PRIM2: variants seen among roughly 807,000 people sequenced by gnomAD.
PRIM2 encodes DNA primase large subunit.
PRIM2 carries 39 observed loss-of-function variants against 67.3 expected under a neutral mutation model. The observed-to-expected ratio is 0.58, with a 90% CI of 0.45 to 0.76. The LOEUF is 0.76. Among genes scored for constraint, PRIM2 ranks in the 30% least tolerant of loss-of-function variants. The pLI, the probability that PRIM2 is intolerant of heterozygous loss-of-function variation, is 0.00. For synonymous variants in PRIM2, 143 were observed against 198.7 expected (o/e 0.72, Z 2.36); for missense variants, 398 against 598.7 (o/e 0.66, Z 3.50).
At chr6:57,263,586 T>G in the PRIM2 span, among the ~76,000 whole-genome samples, 1 of 152,224 alleles carries the variant, frequency 6.6e-6, no homozygotes, top group East Asian at 1.9e-4. Flanking sequence ...AACTTGATTA[T>G]ATCTGCAAAG....
At chr6:57,579,943 A>G (rs1776050930) in intron 10 of PRIM2, among the ~76,000 whole-genome samples, 4 of 152,238 alleles carry the variant, frequency 2.6e-5, no homozygotes, top group African/African-American at 7.2e-5. Context: ...GTCTACTAAT[A>G]TAAGGCAATT....
intron 7 of PRIM2, among the ~76,000 whole-genome samples, chr6:57,409,283 C>A (rs1436871310): frequency 6.6e-6 from 1 of 152,024 alleles, no homozygotes; most frequent in Non-Finnish European, 1.5e-5. Flanking sequence ...TCACGCCATT[C>A]TTCTGCCTCG....
chr6:57,523,958 T>C lies in PRIM2; in HGVS notation c.762-8453T>C, dbSNP rs1774684917. Reference sequence around the variant, plus strand: ...AATTCACAGATCAGATGTGTGCAGATGTATCTGTTTCAGATTTATCCTTTT... The same window carrying C: ...AATTCACAGATCAGATGTGTGCAGACGTATCTGTTTCAGATTTATCCTTTT... On this transcript the variant is annotated intron_variant, in intron 8 of 13. Transcript: ENST00000615550. Among the ~76,000 whole-genome samples the C allele has an allele frequency of 2.0e-5, 3 of 152,110 alleles. No homozygotes were observed. The South Asian group carries it at 6.2e-4, about 32-fold the overall frequency.
At chr6:57,290,423 A>G in the PRIM2 span, among the ~76,000 whole-genome samples, 1 of 152,304 alleles carries the variant, frequency 6.6e-6, no homozygotes, top group Admixed American at 6.5e-5. Flanking sequence ...TTAACACCCC[A>G]CTGTCAATAT....
chr6:57,546,907 T>C (rs1445981837), intron 10 of PRIM2, among the ~76,000 whole-genome samples: 1 of 152,208 alleles, frequency 6.6e-6, no homozygotes, highest in Non-Finnish European at 1.5e-5. Context: ...AATTTGAATA[T>C]TGATATATTT....
chr6:57,628,155 C>T (rs1342165854), intron 12 of PRIM2, among the ~76,000 whole-genome samples: 6 of 150,304 alleles, frequency 4.0e-5, no homozygotes, highest in African/African-American at 1.5e-4. Flanking sequence ...AATAGCAAGC[C>T]ATGGACTCCA....
chr6:57,250,010 T>C, the PRIM2 span, among the ~76,000 whole-genome samples: 1 of 152,326 alleles, frequency 6.6e-6, no homozygotes, highest in South Asian at 2.1e-4. Flanking sequence ...CTTCCTGTGT[T>C]AGTGCAAGTT....
chr6:57,428,026 T>G (rs1439212552), intron 7 of PRIM2, among the ~76,000 whole-genome samples: 1 of 152,092 alleles, frequency 6.6e-6, no homozygotes, highest in African/African-American at 2.4e-5. Flanking sequence ...GTGGCTACAT[T>G]TAGACAGGAG....
At chr6:57,616,735 C>T (rs1776764201) in intron 12 of PRIM2, among the ~76,000 whole-genome samples, 1 of 152,010 alleles carries the variant, frequency 6.6e-6, no homozygotes, top group Non-Finnish European at 1.5e-5. Flanking sequence ...TATTTTACAA[C>T]TACTATTTCT....
chr6:57,348,747 C>CTTT (rs67086940), intron 5 of PRIM2, among the ~76,000 whole-genome samples: 4 of 71,598 alleles, frequency 5.6e-5, no homozygotes, highest in African/African-American at 1.6e-4. Flanking sequence ...CCTTCCTGCC[C>CTTT]TTTTTTTTTT....
intron 7 of PRIM2, among the ~76,000 whole-genome samples, chr6:57,484,762 T>A (rs1450932924): frequency 6.6e-6 from 1 of 152,194 alleles, no homozygotes; most frequent in African/African-American, 2.4e-5. Context: ...TTTATTCAGG[T>A]CTGTTTCCTC....
At chr6:57,411,505 G>A (rs528591297) in intron 7 of PRIM2, among the ~76,000 whole-genome samples, 4 of 151,166 alleles carry the variant, frequency 2.6e-5, no homozygotes, top group African/African-American at 7.3e-5. Flanking sequence ...GCCTGGAGAC[G>A]TCGAGGTTGC....
intron 7 of PRIM2, among the ~76,000 whole-genome samples, chr6:57,437,035 A>C (rs1482033824): frequency 1.3e-5 from 2 of 152,256 alleles, no homozygotes; most frequent in Non-Finnish European, 2.9e-5. Context: ...CAGGCTGTAC[A>C]GGAAGCGTGG....
At chr6:57,321,687 G>A (rs890311651) in intron 3 of PRIM2, among the ~76,000 whole-genome samples, 3 of 151,230 alleles carry the variant, frequency 2.0e-5, no homozygotes, top group African/African-American at 7.3e-5. Flanking sequence ...GGGAATAACA[G>A]CAGATATTTA....
chr6:57,386,790 T>G (rs1770170262), intron 7 of PRIM2, among the ~76,000 whole-genome samples: 1 of 151,346 alleles, frequency 6.6e-6, no homozygotes, highest in African/African-American at 2.4e-5. Context: ...AGTATGTAAT[T>G]GAAAACTTTC....
chr6:57,394,327 A>G (rs1326251801), intron 7 of PRIM2, among the ~76,000 whole-genome samples: 3 of 152,068 alleles, frequency 2.0e-5, no homozygotes, highest in East Asian at 1.9e-4. Flanking sequence ...TGTGTTATCT[A>G]TGATTTCTTT....
intron 5 of PRIM2, among the ~76,000 whole-genome samples, chr6:57,339,927 A>G (rs1033904021): frequency 1.3e-5 from 2 of 151,448 alleles, no homozygotes; most frequent in African/African-American, 4.8e-5. Context: ...GCAACCTACA[A>G]AATGGGAGAA....
At chr6:57,237,529 T>C in the PRIM2 span, among the ~76,000 whole-genome samples, 1 of 152,210 alleles carries the variant, frequency 6.6e-6, no homozygotes, top group Non-Finnish European at 1.5e-5. Context: ...GGTTTTCTTC[T>C]AGGGTTTTTA....
intron 10 of PRIM2, among the ~76,000 whole-genome samples, chr6:57,543,011 T>G (rs1157400069): frequency 2.4e-4 from 32 of 133,872 alleles, no homozygotes; most frequent in African/African-American, 9.0e-4. Context: ...CAATCTCGGC[T>G]CACTGCAGGC....
Sources: allele counts gnomAD v4.1 joint callset (sites outside exome capture counted in the v4.1 genomes callset), GRCh38; gene constraint gnomAD v4.1.1; transcripts MANE v1.5; gene names NCBI Gene and HGNC (gene_info 2026-07-23, HGNC 2026-07-21).